The following PI15 variants were observed in gnomAD, a reference collection of about 807,000 sequenced individuals.
PI15 encodes 25 kDa trypsin inhibitor.
PI15 carries 18 observed loss-of-function variants against 31.0 expected under a neutral mutation model. That is an observed-to-expected ratio of 0.58 (90% CI 0.40 to 0.86). The LOEUF (loss-of-function observed/expected upper bound fraction) is 0.86, where lower values mean the gene tolerates loss of function less well. PI15 is among the 40% of genes least tolerant of loss of function. PI15 has a pLI of 0.00. For missense variants in PI15, 282 were observed against 328.1 expected, an observed-to-expected ratio of 0.86 and a Z score of 1.09; for synonymous variants, 118 against 119.1, an observed-to-expected ratio of 0.99 and a Z score of 0.06.
chr8:74,844,034 T>C lies in PI15; in HGVS notation c.327T>C (p.Ile109=). Residue 109 remains isoleucine (I), a synonymous_variant, in exon 3 of 6, where the codon ATT becomes ATC. Transcript: ENST00000260113. ...KSAEAWAATC[I]WDHGPSYLLR... is the part of the protein sequence containing the mutation. ...CAGAGGCTTGGGCGGCTACTTGCAT[T>C]TGGGACCATGGACCTTCTTACTTAC... The C allele has an allele frequency of 3.7e-6, 6 of 1,610,810 alleles. No homozygotes were observed. Among genetic ancestry groups the C allele is most frequent in the Non-Finnish European group, 5.1e-6 (6 of 1,176,956 alleles).
chr8:74,831,787 G>A (rs1810785578), intron 2 of PI15, among the ~76,000 whole-genome samples: 1 of 152,048 alleles, frequency 6.6e-6, no homozygotes, highest in African/African-American at 2.4e-5. Context: ...AATAAATAAA[G>A]TTATACAGGT....
At chr8:74,833,981 G>T (rs1177160051) in intron 2 of PI15, among the ~76,000 whole-genome samples, 2 of 152,176 alleles carry the variant, frequency 1.3e-5, no homozygotes, top group Non-Finnish European at 2.9e-5. Context: ...ATTTTCACAG[G>T]AGTGTGAACC....
chr8:74,828,988 A>G (rs1212938600), intron 2 of PI15, among the ~76,000 whole-genome samples: 1 of 152,048 alleles, frequency 6.6e-6, no homozygotes, highest in Non-Finnish European at 1.5e-5. Context: ...GTCTACTCTT[A>G]TCATGTCTTG....
intron 2 of PI15, among the ~76,000 whole-genome samples, chr8:74,835,525 T>C (rs886526821): frequency 1.3e-5 from 2 of 152,210 alleles, no homozygotes; most frequent in Admixed American, 1.3e-4. Context: ...TATCTGTCTA[T>C]ATACTGAAAG....
At chr8:74,835,295 C>G (rs1357578199) in intron 2 of PI15, among the ~76,000 whole-genome samples, 2 of 152,100 alleles carry the variant, frequency 1.3e-5, no homozygotes, top group South Asian at 4.1e-4. Context: ...TTAGAGTTTC[C>G]GTGAACATAG....
intron 1 of PI15, 29 bp downstream of exon 1, chr8:74,824,704 T>C (rs985779588): frequency 5.1e-5 from 8 of 155,608 alleles, no homozygotes; most frequent in Admixed American, 1.9e-4. Context: ...CAAGTTTATA[T>C]TGCATGCATT....
chr8:74,842,891 T>A (rs1279121463), intron 2 of PI15, among the ~76,000 whole-genome samples: 1 of 152,200 alleles, frequency 6.6e-6, no homozygotes, highest in Non-Finnish European at 1.5e-5. Flanking sequence ...TGAAGTACTA[T>A]GTTTTTATAA....
chr8:74,831,016 T>G (rs1453117381), intron 2 of PI15, among the ~76,000 whole-genome samples: 1 of 152,176 alleles, frequency 6.6e-6, no homozygotes, highest in Non-Finnish European at 1.5e-5. Context: ...TTGTAGGAAT[T>G]TTCTTCCACG....
chr8:74,843,643 C>T (rs924928655), intron 2 of PI15, among the ~76,000 whole-genome samples: 9 of 152,104 alleles, frequency 5.9e-5, no homozygotes, highest in Non-Finnish European at 1.0e-4. Context: ...GCGGGTGAAT[C>T]GCTTGAGGCT....
At position 74,851,889 on chromosome 8, in the gene PI15, A is replaced by G. The variant is rs1257046216; in HGVS notation, c.*2636A>G. On this transcript the variant is annotated 3_prime_UTR_variant, in exon 6 of 6. Coordinates refer to ENST00000260113, the MANE Select transcript of PI15 (RefSeq NM_015886.5). ...AAAACTACAAGTTTATTTATAATTT[A>G]ACAACTCAGCTGAAAATATAACGGG... 1 of 152,152 alleles carries G rather than the reference A, an allele frequency of 6.6e-6. No individual in the cohort carries two copies. The allele number at this position is 152,152 out of a possible 1,614,324, so 9.4% of individuals were successfully genotyped here.
chr8:74,838,182 C>T (rs1212724136), intron 2 of PI15, among the ~76,000 whole-genome samples: 1 of 151,422 alleles, frequency 6.6e-6, no homozygotes, highest in Non-Finnish European at 1.5e-5. Context: ...TGTAGCGATT[C>T]ATTTCACCTA....
intron 1 of PI15, chr8:74,824,939 G>T: frequency 3.3e-6 from 1 of 304,372 alleles, no homozygotes; most frequent in Non-Finnish European, 6.1e-6. Flanking sequence ...TCAGACATTT[G>T]GGGCAAATGG....
chr8:74,829,645 A>G (rs574805207), intron 2 of PI15, among the ~76,000 whole-genome samples: 25 of 152,284 alleles, frequency 1.6e-4, no homozygotes, highest in Non-Finnish European at 3.2e-4. Context: ...AAGTCTAAAC[A>G]ATGCAGTAAA....
intron 2 of PI15, among the ~76,000 whole-genome samples, chr8:74,837,564 G>A (rs1226951718): frequency 1.3e-5 from 2 of 151,900 alleles, no homozygotes; most frequent in East Asian, 3.9e-4. Context: ...TGCCCTAAAG[G>A]AAAATAATTT....
Position 74,852,654 on chromosome 8 carries a change from T to C in PI15, c.*3401T>C, listed in dbSNP as rs1456387614. 6.6e-6 allele frequency: 1 copy of C among 152,166 alleles called. No homozygotes were observed. Among genetic ancestry groups the C allele is most frequent in the Non-Finnish European group, 1.5e-5 (1 of 67,978 alleles). 9.4% of individuals were successfully genotyped at this position (152,166 alleles called of 1,614,324 possible). On this transcript the variant is annotated 3_prime_UTR_variant, in exon 6 of 6. Coordinates refer to ENST00000260113, the MANE Select transcript of PI15 (RefSeq NM_015886.5). The stretch of plus-strand genomic sequence containing the variant: ...GTTCAATTTACACAGAATATTTGAA[T>C]TGAAACAATAGAAATTTTTCTCATA...
At position 74,852,094 on chromosome 8, in the gene PI15, C is replaced by T. The variant is rs533519430; in HGVS notation, c.*2841C>T. On this transcript the variant is annotated 3_prime_UTR_variant, in exon 6 of 6. Coordinates refer to ENST00000260113, the MANE Select transcript of PI15 (RefSeq NM_015886.5). ...TATTTCTTACTGTAATTGCCAGAGG[C>T]AGAAATGGTCTGGGTATAAGCTATT... 6.6e-6 allele frequency: 1 copy of T among 152,410 alleles called. No individual in the cohort carries two copies. Among genetic ancestry groups the T allele is most frequent in the East Asian group, 1.9e-4 (1 of 5,170 alleles). 9.4% of individuals were successfully genotyped at this position (152,410 alleles called of 1,614,324 possible).
chr8:74,845,423 T>A lies in PI15; in HGVS notation c.567T>A (p.His189Gln). The change falls in exon 5 of 6, where the codon CAT (histidine) becomes CAA (glutamine). Residue 189 changes from histidine (H) to glutamine (Q), a missense_variant. Transcript: ENST00000260113. ...CCAATCGGATAGGATGCGCAATTCA[T>A]ACTTGCCAAAACATGAATGTTTGGG... Reference protein sequence around the residue: ...ATSNRIGCAIHTCQNMNVWGS... With the variant: ...ATSNRIGCAIQTCQNMNVWGS... The A allele has an allele frequency of 6.2e-7, 1 of 1,614,166 alleles. No homozygotes were observed. Among genetic ancestry groups the A allele is most frequent in the Non-Finnish European group, 8.5e-7 (1 of 1,179,984 alleles).
chr8:74,834,529 C>T (rs73689274), intron 2 of PI15, among the ~76,000 whole-genome samples: 2 of 152,168 alleles, frequency 1.3e-5, no homozygotes, highest in African/African-American at 4.8e-5. Context: ...CCAGATGATG[C>T]CAGCATAAGC....
chr8:74,836,170 T>C (rs1049556102), intron 2 of PI15, among the ~76,000 whole-genome samples: 3 of 152,204 alleles, frequency 2.0e-5, no homozygotes, highest in Non-Finnish European at 4.4e-5. Flanking sequence ...AGTAAATATG[T>C]TCAGCTTTGC....
Sources: gnomAD v4.1 joint callset for allele counts (sites outside exome capture counted in the v4.1 genomes callset) on GRCh38, gnomAD v4.1.1 for gene constraint, MANE v1.5 for transcripts, NCBI Gene and HGNC (gene_info 2026-07-23, HGNC 2026-07-21) for gene names.